KCNAB3: variants seen among roughly 807,000 people sequenced by gnomAD.
The protein encoded by KCNAB3 is voltage-gated potassium channel subunit beta-3.
A neutral mutation model predicts 67.7 loss-of-function variants in KCNAB3; 62 were observed. The ratio of observed to expected loss-of-function variants is 0.92; its 90% CI spans 0.75 to 1.13. The LOEUF is 1.13. Among genes scored for constraint, KCNAB3 ranks in the 50% most tolerant of loss-of-function variants. KCNAB3 has a pLI of 0.00. For synonymous variants in KCNAB3, 212 were observed against 205.4 expected (o/e 1.03, Z -0.27); for missense variants, 514 against 522.9 (o/e 0.98, Z 0.17).
In KCNAB3 at chr17:7,929,827, T is replaced by G; in HGVS notation, c.-392A>C. 3.9e-6 allele frequency: 4 copies of G among 1,026,654 alleles called. No homozygotes were observed. The highest frequency in any genetic ancestry group is 3.5e-6 in the Non-Finnish European group (3 of 855,792). The allele number at this position is 1,026,654 out of a possible 1,614,324, so 63.6% of individuals were successfully genotyped here. ...CGAACCGCTGCGGGACCCGCTGGGC[T>G]CCCAGCCGCGTCGGCAGCGGGCCCA... On this transcript the variant is annotated 5_prime_UTR_variant, in exon 1 of 14. Coordinates refer to ENST00000303790, the MANE Select transcript of KCNAB3 (RefSeq NM_004732.4). The surrounding 1 kb of genome is among the most constrained non-coding windows in gnomAD (Gnocchi z 5.7).
Position 7,923,974 on chromosome 17 carries a change from G to A in KCNAB3, c.921C>T (p.Ser307=). 1 of 1,613,104 alleles carries A rather than the reference G, an allele frequency of 6.2e-7. No individual in the cohort carries two copies. The highest frequency in any genetic ancestry group is 8.5e-7 in the Non-Finnish European group (1 of 1,179,792). Residue 307 remains serine (S), a synonymous_variant, in exon 11 of 14, where the codon TCC becomes TCT. Transcript: ENST00000303790. ...DGRVPDTCRA[S]IKGYQWLKDK... ...GAGAGCCCCCAGATCTCACCTTGAT[G>A]GAGGCCCTGCAAGTATCTGGGACTC... is the stretch of plus-strand genomic sequence containing the variant.
At chr17:7,925,342 A>G (rs1972188667) in intron 7 of KCNAB3, 159 bp from the exon 8 acceptor site, 2 of 597,302 alleles carry the variant, frequency 3.3e-6, no homozygotes, top group Non-Finnish European at 6.0e-6. Flanking sequence ...AGCCTGGCTA[A>G]CGTGGTGAAA....
Position 7,929,830 on chromosome 17 carries a change from C to A in KCNAB3, c.-395G>T. 6 of 1,031,002 alleles carry A rather than the reference C, an allele frequency of 5.8e-6. No homozygotes were observed. The highest frequency in any genetic ancestry group is 3.5e-5 in the South Asian group (1 of 28,814). 63.9% of individuals were successfully genotyped at this position (1,031,002 alleles called of 1,614,324 possible). ...ACCGCTGCGGGACCCGCTGGGCTCC[C>A]AGCCGCGTCGGCAGCGGGCCCAGCT... is the stretch of plus-strand genomic sequence containing the variant. On this transcript the variant is annotated 5_prime_UTR_variant, in exon 1 of 14. Transcript: ENST00000303790. The surrounding 1 kb of genome is among the most constrained non-coding windows in gnomAD (Gnocchi z 5.7).
In KCNAB3 at chr17:7,924,039, G is replaced by A. The variant is rs777699313; in HGVS notation, c.856C>T (p.Pro286Ser). Reference sequence around the variant, plus strand: ...CTAGTAATGAGACCACAGGCTAGAGGGTACCAAGTGACTGATCCAACTCCT... The same window carrying A: ...CTAGTAATGAGACCACAGGCTAGAGAGTACCAAGTGACTGATCCAACTCCT... ...KIGVGSVTWY[P>S]LACGLITSKY... The change falls in exon 11 of 14, where the codon CCT (proline) becomes TCT (serine). Residue 286 changes from proline to serine, a missense_variant. Physicochemically the swap from Pro to Ser is moderately conservative, Grantham distance 74. Coordinates refer to ENST00000303790, the MANE Select transcript of KCNAB3 (RefSeq NM_004732.4). 1.2e-6 allele frequency: 2 copies of A among 1,614,064 alleles called. No homozygotes were observed. The highest frequency in any genetic ancestry group is 4.5e-5 in the East Asian group (2 of 44,878).
At position 7,927,810 on chromosome 17, in the gene KCNAB3, CA is replaced by C. The variant is rs1972286211; in HGVS notation, c.258del (p.Gly87ValfsTer9). On this transcript the variant is annotated frameshift_variant, in exon 2 of 14. Transcript: ENST00000303790. LOFTEE classifies it high-confidence loss of function. ...AGGCCAAGACAGGATACCCGAAGACCAGACTTCCCTAGGTTCCTGCAAGATA... is the reference window on the plus strand; with the variant it reads ...AGGCCAAGACAGGATACCCGAAGACCGACTTCCCTAGGTTCCTGCAAGATA... ...TGMKYRNLGK[S>X]GLRVSCLGLG... 1.9e-6 allele frequency: 3 copies of C among 1,614,118 alleles called. No individual in the cohort carries two copies. The highest frequency in any genetic ancestry group is 2.5e-6 in the Non-Finnish European group (3 of 1,180,006).
intron 8 of KCNAB3, chr17:7,924,776 T>C: frequency 3.0e-6 from 3 of 991,944 alleles, no homozygotes; most frequent in Non-Finnish European, 4.1e-6. Context: ...AGGGTCTCAC[T>C]CTGTCACTCA....
At chr17:7,925,594 A>G (rs1972201681) in intron 7 of KCNAB3, 89 bp downstream of exon 7, 1 of 1,364,304 alleles carries the variant, frequency 7.3e-7, no homozygotes, top group Admixed American at 1.7e-5. Flanking sequence ...CTAAATCCCT[A>G]TTCAAAGCCT....
In KCNAB3 at chr17:7,924,265, C is replaced by T; in HGVS notation, c.712G>A (p.Glu238Lys). ...AACTGTCTGGCCATGGAGTAGGCCT[C>T]CTGGGTTGGGGTTGGGGAAAAGAAA... ...TSRWGAAEIM[E>K]AYSMARQFNL... Residue 238 changes from glutamate (E) to lysine (K), a missense_variant and splice_region_variant, in exon 10 of 14, where the codon GAG (glutamate) becomes AAG (lysine). By Grantham distance (56) the Glu-to-Lys change is moderately conservative (BLOSUM62 1). Coordinates refer to ENST00000303790, the MANE Select transcript of KCNAB3 (RefSeq NM_004732.4). 1 of 1,614,108 alleles carries T rather than the reference C, an allele frequency of 6.2e-7. No homozygotes were observed. The highest frequency in any genetic ancestry group is 8.5e-7 in the Non-Finnish European group (1 of 1,180,014).
At chr17:7,926,030 TC>T (rs747855126) in intron 5 of KCNAB3, 28 bp downstream of exon 5, 2 of 1,613,946 alleles carry the variant, frequency 1.2e-6, no homozygotes, top group African/African-American at 2.7e-5. Context: ...GGTGATCACA[TC>T]CCCAGCAACC....
Position 7,925,145 on chromosome 17 carries a change from C to G in KCNAB3, c.577G>C (p.Val193Leu). The change falls in exon 8 of 14, where the codon GTG (valine) becomes CTG (leucine). Residue 193 changes from valine to leucine, a missense_variant. Physicochemically the swap from Val to Leu is conservative, Grantham distance 32. Transcript: ENST00000303790. Reference protein sequence around the residue: ...GSLERLQLGYVDIVFANRSDP... With the variant: ...GSLERLQLGYLDIVFANRSDP... ...GAGCGATTGGCAAAGACAATGTCCA[C>G]GTATCCCAGCTGGAGGCGTTCCAGG... The G allele has an allele frequency of 1.2e-6, 2 of 1,613,714 alleles. No homozygotes were observed.
rs1972216657 is a variant in KCNAB3, at chr17:7,925,982, G to T, written c.450-7C>A. 1 of 1,613,958 alleles carries T rather than the reference G, an allele frequency of 6.2e-7. No homozygotes were observed. Among genetic ancestry groups the T allele is most frequent in the Non-Finnish European group, 8.5e-7 (1 of 1,180,018 alleles). On this transcript the variant is annotated splice_region_variant and splice_polypyrimidine_tract_variant and intron_variant, in intron 5 of 13. Coordinates refer to ENST00000303790, the MANE Select transcript of KCNAB3 (RefSeq NM_004732.4). ...GATGACATAGCTTGATCTCCTGGAA[G>T]AATAGAAATGGGAGAACCAGTAAGA...
chr17:7,929,366 G>T lies in KCNAB3; in HGVS notation c.70C>A (p.Pro24Thr). Residue 24 changes from proline to threonine, a missense_variant, in exon 1 of 14, where the codon CCC becomes ACC. Physicochemically the swap from Pro to Thr is conservative, Grantham distance 38. Transcript: ENST00000303790. The surrounding 1 kb of genome is among the most constrained non-coding windows in gnomAD (Gnocchi z 5.7). ...TTACCGCCCCCGGGGCCCGGCCGGG[G>T]TCCACACAGACGGTCCTCACTGCTC... is the stretch of plus-strand genomic sequence containing the variant. ...SRSSEDRLCG[P>T]RPGPGGGNGG... The T allele has an allele frequency of 6.5e-7, 1 of 1,549,194 alleles. No individual in the cohort carries two copies. Among genetic ancestry groups the T allele is most frequent in the Non-Finnish European group, 8.7e-7 (1 of 1,146,676 alleles).
intron 7 of KCNAB3, chr17:7,925,464 G>T: frequency 1.6e-6 from 1 of 614,874 alleles, no homozygotes; most frequent in East Asian, 2.8e-5. Context: ...GGGAGGAGGA[G>T]GTTGCAGTGA....
rs1392839850 is a variant in KCNAB3, at chr17:7,923,574, T to C, written c.1049-30A>G. Reference sequence around the variant, plus strand: ...GGCCAGAGGAGGAAAAAAAGAGGACTGATGGGGAACAGTGACCACATAGAT... The same window carrying C: ...GGCCAGAGGAGGAAAAAAAGAGGACCGATGGGGAACAGTGACCACATAGAT... On this transcript the variant is annotated intron_variant, in intron 12 of 13. Coordinates refer to ENST00000303790, the MANE Select transcript of KCNAB3 (RefSeq NM_004732.4). 3 of 1,576,588 alleles carry C rather than the reference T, an allele frequency of 1.9e-6. No individual in the cohort carries two copies. The African/African-American group carries it at 4.1e-5, about 21-fold the overall frequency.
intron 8 of KCNAB3, 103 bp from the exon 9 acceptor site, chr17:7,924,603 A>G (rs1034005716): frequency 1.2e-5 from 18 of 1,465,902 alleles, no homozygotes; most frequent in Admixed American, 2.7e-5. Flanking sequence ...AGGCAACTCT[A>G]TGGAGTCATG....
At chr17:7,926,295 T>C (rs1294316414) in intron 4 of KCNAB3, among the ~76,000 whole-genome samples, 192 bp from the exon 5 acceptor site, 1 of 152,224 alleles carries the variant, frequency 6.6e-6, no homozygotes, top group Non-Finnish European at 1.5e-5. Context: ...TTTCATCACA[T>C]ATTCAACAAA....
In KCNAB3 at chr17:7,929,507, C is replaced by T. The variant is rs561424494; in HGVS notation, c.-72G>A. 1 of 1,529,022 alleles carries T rather than the reference C, an allele frequency of 6.5e-7. No homozygotes were observed. The highest frequency in any genetic ancestry group is 8.8e-7 in the Non-Finnish European group (1 of 1,139,500). 94.7% of individuals were successfully genotyped at this position (1,529,022 alleles called of 1,614,324 possible). A position where few individuals can be genotyped will look rare whatever the true frequency, so the allele number is the denominator to read the frequency against. The stretch of plus-strand genomic sequence containing the variant: ...GGGAGCAGGGAAGCCCGAGGGCTGA[C>T]GACCGGGGGCGTAGTGGGGCGAACC... On this transcript the variant is annotated 5_prime_UTR_variant, in exon 1 of 14. Coordinates refer to ENST00000303790, the MANE Select transcript of KCNAB3 (RefSeq NM_004732.4). This position sits in a 1 kb window ranked among gnomAD's most constrained non-coding sequence, Gnocchi z 5.7.
chr17:7,922,870 C>T lies in KCNAB3; in HGVS notation c.*232G>A. The T allele has an allele frequency of 1.7e-6, 1 of 577,172 alleles. No homozygotes were observed. The allele number at this position is 577,172 out of a possible 1,614,324, so 35.8% of individuals were successfully genotyped here. On this transcript the variant is annotated 3_prime_UTR_variant, in exon 14 of 14. Coordinates refer to ENST00000303790, the MANE Select transcript of KCNAB3 (RefSeq NM_004732.4). ...TCATGCCCGGGATTTGCAAGAAGGG[C>T]CTAGAAAGACGCAGCAGGGGGCGGG...
Position 7,927,712 on chromosome 17 carries a change from G to A in KCNAB3, c.287-18C>T. ...CCAGGTACCTGCAAGAGAGAAGCCA[G>A]GCACATGAGAACTGCAGGGGGCAGA... On this transcript the variant is annotated intron_variant, in intron 2 of 13. Coordinates refer to ENST00000303790, the MANE Select transcript of KCNAB3 (RefSeq NM_004732.4). 6.2e-7 allele frequency: 1 copy of A among 1,614,202 alleles called. No homozygotes were observed. Among genetic ancestry groups the A allele is most frequent in the Non-Finnish European group, 8.5e-7 (1 of 1,180,036 alleles).
Sources: gnomAD v4.1 joint callset for allele counts (sites outside exome capture counted in the v4.1 genomes callset) on GRCh38, gnomAD v4.1.1 for gene constraint, Gnocchi (gnomAD v3.1) non-coding constraint, MANE v1.5 for transcripts, NCBI Gene and HGNC (gene_info 2026-07-23, HGNC 2026-07-21) for gene names.